GPC6: variants seen among roughly 807,000 people sequenced by gnomAD.
GPC6 encodes glypican-6.
In GPC6, 14 loss-of-function variants were observed where a neutral mutation model predicts 55.2. The ratio of observed to expected loss-of-function variants is 0.25; its 90% CI spans 0.17 to 0.40. The LOEUF is 0.40. GPC6 is among the 10% of genes least tolerant of loss of function. The pLI is 1.00. For synonymous variants in GPC6, 278 were observed against 259.6 expected (o/e 1.07, Z -0.68); for missense variants, 641 against 708.5 (o/e 0.90, Z 1.08).
chr13:93,220,356 G>A, the GPC6 span, among the ~76,000 whole-genome samples: 1 of 152,148 alleles, frequency 6.6e-6, no homozygotes, highest in African/African-American at 2.4e-5. Flanking sequence ...ATAATGACTG[G>A]CAAGAAGCAT....
intron 4 of GPC6, among the ~76,000 whole-genome samples, chr13:94,136,242 T>C (rs901731822): frequency 2.6e-5 from 4 of 151,548 alleles, no homozygotes; most frequent in Non-Finnish European, 5.9e-5. Flanking sequence ...TCATACCTAG[T>C]ACTAATTACT....
At chr13:93,297,014 G>T (rs9561300) in intron 1 of GPC6, among the ~76,000 whole-genome samples, 1 of 152,018 alleles carries the variant, frequency 6.6e-6, no homozygotes, top group Admixed American at 6.5e-5. Flanking sequence ...GCTGAGTCAC[G>T]TGTAGGCTGG....
intron 6 of GPC6, among the ~76,000 whole-genome samples, chr13:94,358,628 G>A (rs1878912760): frequency 6.6e-6 from 1 of 152,156 alleles, no homozygotes; most frequent in Admixed American, 6.5e-5. Context: ...GGATGAGTTG[G>A]GGATACAAGT....
Position 94,403,388 on chromosome 13 carries a change from T to G in GPC6, c.*171T>G, listed in dbSNP as rs1455533568. The G allele has an allele frequency of 4.4e-6, 3 of 676,034 alleles. No individual in the cohort carries two copies. Among genetic ancestry groups the G allele is most frequent in the Non-Finnish European group, 5.4e-6 (2 of 372,028 alleles). The allele number at this position is 676,034 out of a possible 1,614,324, so 41.9% of individuals were successfully genotyped here. On this transcript the variant is annotated 3_prime_UTR_variant, in exon 9 of 9. Transcript: ENST00000377047. The stretch of plus-strand genomic sequence containing the variant: ...TTTTGTTTTCCCAAAGAGTACCGGG[T>G]GCCAGACTGAACTGCTTCCTCTTTC...
intron 1 of GPC6, among the ~76,000 whole-genome samples, chr13:93,521,479 G>A (rs1438164439): frequency 6.6e-6 from 1 of 151,934 alleles, no homozygotes; most frequent in Non-Finnish European, 1.5e-5. Flanking sequence ...GAACTTACTT[G>A]TCTTATGTTG....
intron 4 of GPC6, among the ~76,000 whole-genome samples, chr13:94,236,823 T>G (rs573564046): frequency 2.6e-5 from 4 of 151,886 alleles, no homozygotes; most frequent in African/African-American, 9.6e-5. Context: ...AAGGCAAGAA[T>G]GGAGACAGAG....
At chr13:93,894,865 G>A (rs1191439474) in intron 3 of GPC6, among the ~76,000 whole-genome samples, 1 of 151,786 alleles carries the variant, frequency 6.6e-6, no homozygotes, top group Admixed American at 6.6e-5. Flanking sequence ...AAAATGATGT[G>A]TTATCTTGGT....
chr13:94,274,734 C>T (rs913062344), intron 4 of GPC6, among the ~76,000 whole-genome samples: 1 of 145,996 alleles, frequency 6.8e-6, no homozygotes, highest in Non-Finnish European at 1.5e-5. Context: ...TTTGGTAAAG[C>T]CAAAAATATC....
At chr13:93,539,939 C>T (rs1882221266) in intron 1 of GPC6, among the ~76,000 whole-genome samples, 1 of 152,118 alleles carries the variant, frequency 6.6e-6, no homozygotes, top group African/African-American at 2.4e-5. Context: ...GATGTGCCTG[C>T]CTTGGCCTTC....
chr13:93,464,955 C>T (rs1878851384), intron 1 of GPC6, among the ~76,000 whole-genome samples: 3 of 152,154 alleles, frequency 2.0e-5, no homozygotes, highest in Non-Finnish European at 4.4e-5. Context: ...ACAACATGTA[C>T]CTCTCTGTCC....
At chr13:94,210,699 T>G (rs544288788) in intron 4 of GPC6, among the ~76,000 whole-genome samples, 1 of 152,318 alleles carries the variant, frequency 6.6e-6, no homozygotes, top group Admixed American at 6.5e-5. Flanking sequence ...AAGTTGTATG[T>G]TTGCATGTGA....
chr13:93,872,092 T>C (rs1889148970), intron 3 of GPC6, among the ~76,000 whole-genome samples: 1 of 151,996 alleles, frequency 6.6e-6, no homozygotes, highest in South Asian at 2.1e-4. Flanking sequence ...TTTTCAAATC[T>C]CTGACATTAT....
At chr13:93,560,345 C>CA (rs35073008) in intron 2 of GPC6, among the ~76,000 whole-genome samples, 2,417 of 129,552 alleles carry the variant, frequency 0.019, 22 homozygotes, top group South Asian at 0.038. Context: ...GTATCTCTAC[C>CA]AAAAAAAAAA....
intron 2 of GPC6, among the ~76,000 whole-genome samples, chr13:93,816,493 A>G (rs1886852474): frequency 6.6e-6 from 1 of 151,764 alleles, no homozygotes; most frequent in African/African-American, 2.4e-5. Context: ...GATTTTGAGT[A>G]AATTACTTGT....
chr13:93,968,484 A>G (rs1365873894), intron 3 of GPC6, among the ~76,000 whole-genome samples: 5 of 152,088 alleles, frequency 3.3e-5, no homozygotes, highest in Admixed American at 3.3e-4. Context: ...TCTTTAATGG[A>G]ATGCATTCTG....
chr13:93,454,392 A>G (rs1317108560), intron 1 of GPC6, among the ~76,000 whole-genome samples: 3 of 128,768 alleles, frequency 2.3e-5, no homozygotes, highest in South Asian at 5.3e-4. Flanking sequence ...TGAGCTAGAC[A>G]CAGGGTGCTG....
intron 1 of GPC6, among the ~76,000 whole-genome samples, chr13:93,478,423 G>A (rs1879381298): frequency 6.6e-6 from 1 of 152,122 alleles, no homozygotes. Context: ...ATAGTTTTTG[G>A]TAAACTGTAT....
At chr13:93,862,276 G>T (rs1888836830) in intron 3 of GPC6, among the ~76,000 whole-genome samples, 1 of 151,600 alleles carries the variant, frequency 6.6e-6, no homozygotes, top group Admixed American at 6.6e-5. Context: ...CAGTGTCATG[G>T]AGTTTTCAGC....
chr13:94,066,414 CT>C (rs1884519394), intron 4 of GPC6, among the ~76,000 whole-genome samples: 1 of 151,998 alleles, frequency 6.6e-6, no homozygotes, highest in South Asian at 2.1e-4. Flanking sequence ...AATATTATTT[CT>C]TTAGATGAAA....
Sources: gnomAD v4.1 joint callset for allele counts (sites outside exome capture counted in the v4.1 genomes callset) on GRCh38, gnomAD v4.1.1 for gene constraint, MANE v1.5 for transcripts, NCBI Gene and HGNC (gene_info 2026-07-23, HGNC 2026-07-21) for gene names.